PLEKHM3: variants seen among roughly 807,000 people sequenced by gnomAD.
PLEKHM3 encodes the protein pleckstrin homology domain-containing family M member 3.
Under a neutral mutation model 81.8 loss-of-function variants are expected in PLEKHM3, and 45 were observed. The ratio of observed to expected loss-of-function variants is 0.55; its 90% CI spans 0.43 to 0.71. PLEKHM3 has a LOEUF of 0.71. PLEKHM3 is among the 30% of genes least tolerant of loss of function. The pLI is 0.00. For missense variants in PLEKHM3, 788 were observed against 924.3 expected, an observed-to-expected ratio of 0.85 and a Z score of 1.91; for synonymous variants, 352 against 356.4, an observed-to-expected ratio of 0.99 and a Z score of 0.14.
chr2:207,922,680 C>G (rs557987777), intron 5 of PLEKHM3, among the ~76,000 whole-genome samples: 1 of 151,990 alleles, frequency 6.6e-6, no homozygotes, highest in Admixed American at 6.6e-5. Flanking sequence ...GGCGTGGTGG[C>G]GGGCGCCTGT....
chr2:207,841,644 T>C (rs2092354902), intron 7 of PLEKHM3, among the ~76,000 whole-genome samples: 1 of 151,418 alleles, frequency 6.6e-6, no homozygotes, highest in Non-Finnish European at 1.5e-5. Flanking sequence ...TCCAAATGGC[T>C]AATTAGTTCC....
intron 6 of PLEKHM3, among the ~76,000 whole-genome samples, chr2:207,896,421 C>T (rs933995841): frequency 1.1e-4 from 17 of 152,248 alleles, no homozygotes; most frequent in Middle Eastern, 3.4e-3. Flanking sequence ...AATCCCTACC[C>T]GGGTTAAGTT....
intron 5 of PLEKHM3, among the ~76,000 whole-genome samples, chr2:207,928,811 AAGATTTGAGAGTTATCTCAGAAAC>A (rs1323177340): frequency 6.6e-6 from 1 of 152,266 alleles, no homozygotes. Flanking sequence ...AAGGAGAGGA[AAGATTTGAGAGTTATCTCAGAAAC>A]AGAACCATCT....
chr2:207,889,613 C>T (rs910127041), intron 6 of PLEKHM3, among the ~76,000 whole-genome samples: 1 of 151,966 alleles, frequency 6.6e-6, no homozygotes, highest in Admixed American at 6.6e-5. Context: ...GGTGAAAATT[C>T]AAGCGTACTC....
intron 1 of PLEKHM3, among the ~76,000 whole-genome samples, chr2:208,017,847 C>A (rs1692975711): frequency 6.6e-6 from 1 of 152,162 alleles, no homozygotes; most frequent in Non-Finnish European, 1.5e-5. Flanking sequence ...CTACTGAACA[C>A]CCACTCTTTC....
At position 207,828,322 on chromosome 2, in the gene PLEKHM3, G is replaced by A. The variant is rs2092264535; in HGVS notation, c.2283C>T (p.Thr761=). 2.5e-6 allele frequency: 4 copies of A among 1,607,374 alleles called. No homozygotes were observed. The highest frequency in any genetic ancestry group is 3.4e-6 in the Non-Finnish European group (4 of 1,175,940). ...CTGGCCTTCGGGTCGGCTGGAGTCAGGTGTTCTGGTAGGACAGCTCGAACA... is the reference window on the plus strand; with the variant it reads ...CTGGCCTTCGGGTCGGCTGGAGTCAAGTGTTCTGGTAGGACAGCTCGAACA... ...CTMFELSYQN[T] Residue 761 remains threonine (T), a synonymous_variant, in exon 8 of 8, where the codon ACC becomes ACT. Coordinates refer to ENST00000427836, the MANE Select transcript of PLEKHM3 (RefSeq NM_001080475.3).
At chr2:207,845,013 T>C (rs1377888353) in intron 7 of PLEKHM3, among the ~76,000 whole-genome samples, 1 of 152,222 alleles carries the variant, frequency 6.6e-6, no homozygotes, top group African/African-American at 2.4e-5. Context: ...GCTGCACCTT[T>C]CTCTCTATTT....
intron 3 of PLEKHM3, among the ~76,000 whole-genome samples, chr2:207,974,113 T>G (rs1388031425): frequency 6.6e-6 from 1 of 152,154 alleles, no homozygotes; most frequent in Non-Finnish European, 1.5e-5. Context: ...AGCACAAAAT[T>G]TAGACAGCAA....
chr2:207,862,236 C>A (rs986585188), intron 6 of PLEKHM3, among the ~76,000 whole-genome samples: 2 of 152,172 alleles, frequency 1.3e-5, no homozygotes, highest in Non-Finnish European at 2.9e-5. Context: ...CTGGTTTTGA[C>A]ATAAGAAAAC....
chr2:207,990,089 G>A (rs2106066621), intron 2 of PLEKHM3, among the ~76,000 whole-genome samples: 1 of 152,238 alleles, frequency 6.6e-6, no homozygotes, highest in Non-Finnish European at 1.5e-5. Flanking sequence ...TCCAGCTGAC[G>A]TCCCTTTACA....
rs984941532 is a variant in PLEKHM3, at chr2:208,009,066, G to T, written c.-318-7109C>A. 3.3e-5 allele frequency among the ~76,000 whole-genome samples: 5 copies of T among 152,096 alleles called. No homozygotes were observed. In the East Asian group the frequency reaches 5.8e-4, roughly 18 times the overall value. On this transcript the variant is annotated intron_variant, in intron 1 of 7. Transcript: ENST00000427836. ...AAGTATTTGCTGAGTGCCTACTATG[G>T]GGGGGACACTGTTCTGGGCACCAGG...
chr2:207,950,606 G>A (rs975189393), intron 3 of PLEKHM3, among the ~76,000 whole-genome samples: 1 of 152,096 alleles, frequency 6.6e-6, no homozygotes, highest in African/African-American at 2.4e-5. Context: ...CACGCGGGAC[G>A]TTGACGGGTA....
At chr2:207,906,238 A>G (rs751772685) in intron 6 of PLEKHM3, among the ~76,000 whole-genome samples, 58 of 152,336 alleles carry the variant, frequency 3.8e-4, no homozygotes, top group Non-Finnish European at 5.6e-4. Context: ...CAGAAAATAG[A>G]TAAATGTATA....
At position 207,834,572 on chromosome 2, in the gene PLEKHM3, T is replaced by C. The variant is rs187476017; in HGVS notation, c.2109-6076A>G. Among the ~76,000 whole-genome samples, 671 of 151,972 alleles carry C rather than the reference T, an allele frequency of 4.4e-3. 5 individuals are homozygous for C. The highest frequency in any genetic ancestry group is 0.015 in the African/African-American group (639 of 41,440). On this transcript the variant is annotated intron_variant, in intron 7 of 7. Coordinates refer to ENST00000427836, the MANE Select transcript of PLEKHM3 (RefSeq NM_001080475.3). ...TCCCAACTAGCTGGGATTACAGGCA[T>C]GTGCCACCACGCCTGGCTAATTTTG... is the stretch of plus-strand genomic sequence containing the variant.
At position 207,986,676 on chromosome 2, in the gene PLEKHM3, G is replaced by T. The variant is rs375749184; in HGVS notation, c.611-9090C>A. ...CTTCTCCATCATTACAAATTTTTTT[G>T]TTTTTTTTTTTTCAGACAGGGTCTT... On this transcript the variant is annotated intron_variant, in intron 2 of 7. Coordinates refer to ENST00000427836, the MANE Select transcript of PLEKHM3 (RefSeq NM_001080475.3). 8.2e-4 allele frequency among the ~76,000 whole-genome samples: 118 copies of T among 144,582 alleles called. 1 individual carries two copies. Among genetic ancestry groups the T allele is most frequent in the East Asian group, 5.1e-3 (25 of 4,932 alleles). 94.9% of individuals were successfully genotyped at this position (144,582 alleles called of 152,430 possible).
At chr2:208,003,661 C>T (rs1318621386) in intron 1 of PLEKHM3, among the ~76,000 whole-genome samples, 3 of 152,266 alleles carry the variant, frequency 2.0e-5, no homozygotes, top group African/African-American at 7.2e-5. Flanking sequence ...TAGAGATATA[C>T]ATTAGTTATA....
At chr2:207,838,074 G>A (rs770817886) in intron 7 of PLEKHM3, among the ~76,000 whole-genome samples, 2 of 151,742 alleles carry the variant, frequency 1.3e-5, no homozygotes, top group Non-Finnish European at 1.5e-5. Flanking sequence ...GCCCGGCCTC[G>A]AGTTCTCCCA....
intron 6 of PLEKHM3, among the ~76,000 whole-genome samples, chr2:207,861,727 G>A (rs771211063): frequency 6.0e-4 from 91 of 152,238 alleles, no homozygotes; most frequent in Non-Finnish European, 4.9e-4. Context: ...AGAACATAGA[G>A]TAAATGGGGA....
At chr2:208,003,446 T>C (rs1692381499) in intron 1 of PLEKHM3, among the ~76,000 whole-genome samples, 1 of 152,232 alleles carries the variant, frequency 6.6e-6, no homozygotes, top group Non-Finnish European at 1.5e-5. Context: ...ACTACATTTA[T>C]ATCAACAGCA....
Sources: allele counts gnomAD v4.1 joint callset (sites outside exome capture counted in the v4.1 genomes callset), GRCh38; gene constraint gnomAD v4.1.1; transcripts MANE v1.5; gene names NCBI Gene and HGNC (gene_info 2026-07-23, HGNC 2026-07-21).